Variants in SORCS1 observed in about 807,000 individuals in gnomAD.
SORCS1 encodes the protein sortilin related VPS10 domain containing receptor 1, also known as VPS10 domain-containing receptor SorCS1.
SORCS1 carries 60 observed loss-of-function variants against 146.1 expected under a neutral mutation model. The observed-to-expected ratio is 0.41, with a 90% CI of 0.33 to 0.51. The LOEUF is 0.51. Among genes scored for constraint, SORCS1 ranks in the 20% least tolerant of loss-of-function variants. The pLI is 0.21. For missense variants in SORCS1, 1,352 were observed against 1,487.6 expected (o/e 0.91, Z 1.50); for synonymous variants, 637 against 584.0 (o/e 1.09, Z -1.31).
chr10:106,772,082 G>A (rs2136330579), intron 4 of SORCS1, among the ~76,000 whole-genome samples: 1 of 152,276 alleles, frequency 6.6e-6, no homozygotes, highest in Non-Finnish European at 1.5e-5. Flanking sequence ...ATATCTGTAA[G>A]GGTTTTTTTA....
At chr10:106,951,045 C>T (rs1222893354) in intron 2 of SORCS1, among the ~76,000 whole-genome samples, 1 of 152,174 alleles carries the variant, frequency 6.6e-6, no homozygotes, top group Non-Finnish European at 1.5e-5. Context: ...ATTTTTATTA[C>T]AACACTTATG....
intron 1 of SORCS1, among the ~76,000 whole-genome samples, chr10:107,094,718 T>C (rs1194824764): frequency 6.6e-6 from 1 of 152,186 alleles, no homozygotes; most frequent in Non-Finnish European, 1.5e-5. Context: ...GAGGACACTA[T>C]GCATTGAGTA....
intron 2 of SORCS1, among the ~76,000 whole-genome samples, chr10:106,896,832 G>T (rs546747934): frequency 1.3e-4 from 19 of 151,020 alleles, no homozygotes; most frequent in African/African-American, 4.6e-4. Context: ...AAGGTCACAG[G>T]TTCAGATGTT....
chr10:106,883,304 T>A (rs375988458), intron 2 of SORCS1, among the ~76,000 whole-genome samples: 1 of 152,228 alleles, frequency 6.6e-6, no homozygotes, highest in East Asian at 1.9e-4. Flanking sequence ...AAAATCTTCA[T>A]AGATTTTTTC....
intron 24 of SORCS1, among the ~76,000 whole-genome samples, chr10:106,586,718 G>C (rs1845260801): frequency 6.6e-6 from 1 of 152,236 alleles, no homozygotes; most frequent in South Asian, 2.1e-4. Flanking sequence ...TGCTTTGAGA[G>C]GCTGAAGTGG....
intron 1 of SORCS1, among the ~76,000 whole-genome samples, chr10:106,961,501 T>C (rs751694350): frequency 6.6e-6 from 1 of 152,250 alleles, no homozygotes; most frequent in Non-Finnish European, 1.5e-5. Context: ...TCCATTTCTT[T>C]TCTTAAAAAC....
At chr10:106,654,420 G>T (rs1314521727) in intron 17 of SORCS1, among the ~76,000 whole-genome samples, 1 of 152,118 alleles carries the variant, frequency 6.6e-6, no homozygotes, top group Non-Finnish European at 1.5e-5. Flanking sequence ...TACTTTAAAT[G>T]GAGTAAGATT....
intron 1 of SORCS1, among the ~76,000 whole-genome samples, chr10:107,007,754 G>A (rs1206042221): frequency 6.6e-6 from 1 of 152,206 alleles, no homozygotes; most frequent in African/African-American, 2.4e-5. Flanking sequence ...TTCTAGTAGA[G>A]AATACACTAA....
chr10:107,137,978 C>A (rs1213464285), intron 1 of SORCS1, among the ~76,000 whole-genome samples: 1 of 152,022 alleles, frequency 6.6e-6, no homozygotes, highest in East Asian at 1.9e-4. Context: ...GGATCTCTGA[C>A]ACCTATTACG....
At chr10:106,862,003 C>G (rs777245391) in intron 2 of SORCS1, among the ~76,000 whole-genome samples, 1 of 152,166 alleles carries the variant, frequency 6.6e-6, no homozygotes, top group Admixed American at 6.5e-5. Context: ...ACATGTTTAA[C>G]TGAGCTTTTG....
rs188691948 is a variant in SORCS1, at chr10:106,860,589, C to T, written c.627-30916G>A. Among the ~76,000 whole-genome samples the T allele has an allele frequency of 3.3e-5, 5 of 152,292 alleles. No individual in the cohort carries two copies. The East Asian group carries it at 5.8e-4, about 18-fold the overall frequency. On this transcript the variant is annotated intron_variant, in intron 2 of 25. Transcript: ENST00000263054. ...AGACTTAAGGAAGATGATCAGCTTG[C>T]CCAATGCCACATAGGAGTGATGAAC...
At chr10:106,782,928 GA>G (rs1423645165) in intron 3 of SORCS1, among the ~76,000 whole-genome samples, 2 of 152,196 alleles carry the variant, frequency 1.3e-5, no homozygotes, top group African/African-American at 4.8e-5. Context: ...ATGTCTTCAT[GA>G]ATGTGTACTT....
intron 3 of SORCS1, among the ~76,000 whole-genome samples, chr10:106,805,157 C>A (rs1490772118): frequency 6.6e-6 from 1 of 152,198 alleles, no homozygotes; most frequent in Non-Finnish European, 1.5e-5. Context: ...TCACTGTAAT[C>A]ACTTGCTAAT....
At chr10:107,107,756 T>A (rs889937571) in intron 1 of SORCS1, among the ~76,000 whole-genome samples, 2 of 152,192 alleles carry the variant, frequency 1.3e-5, no homozygotes, top group African/African-American at 4.8e-5. Flanking sequence ...ATGGCAGACT[T>A]GGTGATCATG....
rs1844481526 is a variant in SORCS1, at chr10:106,574,116, G to C, written c.*3304C>G. 1 of 151,902 alleles carries C rather than the reference G, an allele frequency of 6.6e-6. No individual in the cohort carries two copies. The highest frequency in any genetic ancestry group is 1.5e-5 in the Non-Finnish European group (1 of 67,948). 9.4% of individuals were successfully genotyped at this position (151,902 alleles called of 1,614,324 possible). On this transcript the variant is annotated 3_prime_UTR_variant, in exon 26 of 26. Transcript: ENST00000263054. Reference sequence around the variant, plus strand: ...AATGAGAGATTTCAATGCTCAGTTGGATTCCTGGAAAACACAGAACAGCTG... The same window carrying C: ...AATGAGAGATTTCAATGCTCAGTTGCATTCCTGGAAAACACAGAACAGCTG...
intron 1 of SORCS1, chr10:106,970,090 G>A (rs918624562): frequency 1.2e-4 from 18 of 152,476 alleles, no homozygotes; most frequent in African/African-American, 4.3e-4. Context: ...GGTCGGGCCT[G>A]GTTAGTACTT....
At chr10:106,973,397 CT>C (rs536043782) in intron 1 of SORCS1, among the ~76,000 whole-genome samples, 11 of 152,212 alleles carry the variant, frequency 7.2e-5, no homozygotes, top group Non-Finnish European at 1.6e-4. Context: ...ACCCAACACC[CT>C]GTCTGCTCCA....
At chr10:106,963,243 G>A (rs1427304193) in intron 1 of SORCS1, among the ~76,000 whole-genome samples, 4 of 149,596 alleles carry the variant, frequency 2.7e-5, no homozygotes, top group Non-Finnish European at 3.0e-5. Flanking sequence ...AGCCTCCCAA[G>A]TAGCTGGGAC....
At chr10:107,070,734 A>G (rs980475153) in intron 1 of SORCS1, among the ~76,000 whole-genome samples, 10 of 152,210 alleles carry the variant, frequency 6.6e-5, no homozygotes, top group South Asian at 2.1e-4. Flanking sequence ...TAAAATTTCA[A>G]AAAGCAAAAA....
Sources: gnomAD v4.1 joint callset for allele counts (sites outside exome capture counted in the v4.1 genomes callset) on GRCh38, gnomAD v4.1.1 for gene constraint, MANE v1.5 for transcripts, NCBI Gene and HGNC (gene_info 2026-07-23, HGNC 2026-07-21) for gene names.